ADAM12: variants seen among roughly 807,000 people sequenced by gnomAD.
ADAM12 encodes the protein ADAM metallopeptidase domain 12, also known as disintegrin and metalloproteinase domain-containing protein 12.
Under a neutral mutation model 106.4 loss-of-function variants are expected in ADAM12, and 70 were observed. The observed-to-expected ratio is 0.66, with a 90% CI of 0.54 to 0.80. ADAM12 has a LOEUF of 0.80. Among genes scored for constraint, ADAM12 ranks in the 30% least tolerant of loss-of-function variants. The pLI, the probability that ADAM12 is intolerant of heterozygous loss-of-function variation, is 0.00. For missense variants in ADAM12, 1,010 were observed against 1,171.9 expected (o/e 0.86, Z 2.02); for synonymous variants, 420 against 433.5 (o/e 0.97, Z 0.39).
intron 8 of ADAM12, among the ~76,000 whole-genome samples, chr10:126,104,251 GC>G (rs1955721622): frequency 6.6e-6 from 1 of 152,032 alleles, no homozygotes; most frequent in South Asian, 2.1e-4. Context: ...GGAGTTTGAG[GC>G]CAGCCTGTCC....
chr10:126,049,165 A>G lies in ADAM12; in HGVS notation c.1917+88T>C, dbSNP rs1954404895. Reference sequence around the variant, plus strand: ...AGAAGAAGTAGATTTAGGAAAACCAACAAACCTTGTAACCCAGTTCTTGCT... The same window carrying G: ...AGAAGAAGTAGATTTAGGAAAACCAGCAAACCTTGTAACCCAGTTCTTGCT... On this transcript the variant is annotated intron_variant, in intron 16 of 22. Coordinates refer to ENST00000448723, the MANE Select transcript of ADAM12 (RefSeq NM_001288973.2). The surrounding 1 kb of genome is among the most constrained non-coding windows in gnomAD (Gnocchi z 4.4). 2 of 1,549,144 alleles carry G rather than the reference A, an allele frequency of 1.3e-6. No individual in the cohort carries two copies. The highest frequency in any genetic ancestry group is 2.7e-5 in the African/African-American group (2 of 73,656).
intron 8 of ADAM12, among the ~76,000 whole-genome samples, chr10:126,104,770 T>C (rs1955733121): frequency 6.6e-6 from 1 of 152,186 alleles, no homozygotes; most frequent in South Asian, 2.1e-4. Flanking sequence ...CCTTCATCAC[T>C]AAACCACTCG....
In ADAM12 at chr10:126,049,241, T is replaced by C. The variant is rs191556041; in HGVS notation, c.1917+12A>G. 8.0e-4 allele frequency: 1,289 copies of C among 1,613,786 alleles called. 14 individuals carry two copies. The South Asian group carries it at 0.01, about 13-fold the overall frequency. On this transcript the variant is annotated intron_variant, in intron 16 of 22. Transcript: ENST00000448723. This position sits in a 1 kb window ranked among gnomAD's most constrained non-coding sequence, Gnocchi z 4.4. Reference sequence around the variant, plus strand: ...CTTACATTTATGATCCAAGCAAACATTTGGGTCTTACTTTTCCATCTGCAC... The same window carrying C: ...CTTACATTTATGATCCAAGCAAACACTTGGGTCTTACTTTTCCATCTGCAC...
At chr10:126,114,630 C>T (rs1449714851) in intron 6 of ADAM12, among the ~76,000 whole-genome samples, 3 of 152,194 alleles carry the variant, frequency 2.0e-5, no homozygotes, top group Non-Finnish European at 2.9e-5. Context: ...CAGGTGCCTG[C>T]CACTACGCCC....
At chr10:126,286,867 G>A (rs1400719124) in intron 2 of ADAM12, among the ~76,000 whole-genome samples, 2 of 152,192 alleles carry the variant, frequency 1.3e-5, no homozygotes, top group African/African-American at 4.8e-5. Flanking sequence ...GTACAGGATG[G>A]CATGTATTAT....
At chr10:126,316,866 C>T (rs1299414853) in intron 2 of ADAM12, among the ~76,000 whole-genome samples, 2 of 151,290 alleles carry the variant, frequency 1.3e-5, no homozygotes, top group Non-Finnish European at 2.9e-5. Context: ...ATAATGTGTT[C>T]CCCCATGACA....
At chr10:126,134,004 A>G (rs1956358065) in intron 5 of ADAM12, among the ~76,000 whole-genome samples, 1 of 152,176 alleles carries the variant, frequency 6.6e-6, no homozygotes, top group South Asian at 2.1e-4. Context: ...TCCTTCCACT[A>G]GGAAGTGCTC....
In ADAM12 at chr10:126,016,212, C is replaced by G. The variant is rs1564988012; in HGVS notation, c.*1067G>C. On this transcript the variant is annotated 3_prime_UTR_variant, in exon 23 of 23. Transcript: ENST00000448723. ...CACATTCCATTGGTTGTAGTTTTTG[C>G]AAGCATAAAGAGTCTGCCTAATTGT... is the stretch of plus-strand genomic sequence containing the variant. The G allele has an allele frequency of 6.6e-6, 1 of 151,782 alleles. No homozygotes were observed. The highest frequency in any genetic ancestry group is 1.5e-5 in the Non-Finnish European group (1 of 68,030). 9.4% of individuals were successfully genotyped at this position (151,782 alleles called of 1,614,324 possible). A position where few individuals can be genotyped will look rare whatever the true frequency, so the allele number is the denominator to read the frequency against.
rs139116192 is a variant in ADAM12 at position 126,038,698 on chromosome 10, T to C, written c.2241-349A>G. Among the ~76,000 whole-genome samples, 31 of 152,340 alleles carry C rather than the reference T, an allele frequency of 2.0e-4. No individual in the cohort carries two copies. The East Asian group carries it at 5.0e-3, about 25-fold the overall frequency. On this transcript the variant is annotated intron_variant, in intron 19 of 22. Transcript: ENST00000448723. ...ATGAAAATATTTCAATGTCTCCATG[T>C]TGTATAAAAATTACTAATATAAGGG...
intron 6 of ADAM12, among the ~76,000 whole-genome samples, chr10:126,115,569 T>C (rs1279580317): frequency 6.6e-6 from 1 of 152,208 alleles, no homozygotes; most frequent in Non-Finnish European, 1.5e-5. Flanking sequence ...TCACAGCCAG[T>C]GTATACCCTG....
rs1315981199 is a variant in ADAM12 at position 126,014,023 on chromosome 10, C to A, written c.*3256G>T. 6.6e-6 allele frequency: 1 copy of A among 152,202 alleles called. No individual in the cohort carries two copies. The highest frequency in any genetic ancestry group is 1.5e-5 in the Non-Finnish European group (1 of 68,090). 9.4% of individuals were successfully genotyped at this position (152,202 alleles called of 1,614,324 possible). A position where few individuals can be genotyped will look rare whatever the true frequency, so the allele number is the denominator to read the frequency against. ...CTCCAGCCTGAGTGTGCCGTGGGCCCCCCGAATACATAGGGGAGCCCTGCA... is the reference window on the plus strand; with the variant it reads ...CTCCAGCCTGAGTGTGCCGTGGGCCACCCGAATACATAGGGGAGCCCTGCA... On this transcript the variant is annotated 3_prime_UTR_variant, in exon 23 of 23. Coordinates refer to ENST00000448723, the MANE Select transcript of ADAM12 (RefSeq NM_001288973.2).
At chr10:126,193,670 G>C (rs967115493) in intron 3 of ADAM12, among the ~76,000 whole-genome samples, 4 of 152,218 alleles carry the variant, frequency 2.6e-5, no homozygotes, top group Non-Finnish European at 5.9e-5. Context: ...GCTGAAGCGA[G>C]TGGATCACAT....
At chr10:126,380,322 G>A (rs1198067042) in intron 1 of ADAM12, among the ~76,000 whole-genome samples, 1 of 152,152 alleles carries the variant, frequency 6.6e-6, no homozygotes, top group Admixed American at 6.5e-5. Context: ...CTGCATTACC[G>A]TTCTGCTGAG....
chr10:126,072,292 G>A (rs1016155070), intron 11 of ADAM12, among the ~76,000 whole-genome samples: 9 of 152,024 alleles, frequency 5.9e-5, no homozygotes, highest in African/African-American at 7.3e-5. Context: ...CTAAACAACC[G>A]GGTGTGGCAG....
At chr10:126,099,553 A>C (rs1266613498) in intron 9 of ADAM12, among the ~76,000 whole-genome samples, 3 of 152,260 alleles carry the variant, frequency 2.0e-5, no homozygotes, top group Non-Finnish European at 4.4e-5. Context: ...CCAGATGTTC[A>C]AGTTGGACAG....
At chr10:126,264,115 T>G (rs1320749470) in intron 3 of ADAM12, among the ~76,000 whole-genome samples, 2 of 152,236 alleles carry the variant, frequency 1.3e-5, no homozygotes, top group East Asian at 3.8e-4. Context: ...CCATCAAAAC[T>G]TTAGTGAAAA....
intron 21 of ADAM12, among the ~76,000 whole-genome samples, chr10:126,032,235 C>T (rs1953984107): frequency 6.6e-6 from 1 of 152,144 alleles, no homozygotes; most frequent in Non-Finnish European, 1.5e-5. Context: ...TGAGGAACCC[C>T]AAAGTACAAA....
chr10:126,260,402 A>G (rs1055256323), intron 3 of ADAM12, among the ~76,000 whole-genome samples: 3 of 152,254 alleles, frequency 2.0e-5, no homozygotes, highest in African/African-American at 7.2e-5. Context: ...TAAAATTTCT[A>G]TATGGGAACC....
At chr10:126,327,064 G>A (rs1854329336) in intron 2 of ADAM12, among the ~76,000 whole-genome samples, 1 of 152,124 alleles carries the variant, frequency 6.6e-6, no homozygotes, top group Non-Finnish European at 1.5e-5. Flanking sequence ...CACAGGGGTG[G>A]CCCCATGCTA....
Sources: allele counts gnomAD v4.1 joint callset (sites outside exome capture counted in the v4.1 genomes callset), GRCh38; gene constraint gnomAD v4.1.1; non-coding constraint Gnocchi (gnomAD v3.1); transcripts MANE v1.5; gene names NCBI Gene and HGNC (gene_info 2026-07-23, HGNC 2026-07-21).